Variants in CCDC171 observed in about 807,000 individuals in gnomAD.
The protein encoded by CCDC171 is coiled-coil domain-containing protein 171.
CCDC171 carries 177 observed loss-of-function variants against 168.2 expected under a neutral mutation model. The observed-to-expected ratio is 1.05, with a 90% CI of 0.93 to 1.19. The LOEUF (loss-of-function observed/expected upper bound fraction) is 1.19, where lower values mean the gene tolerates loss of function less well. Ranked by LOEUF, CCDC171 falls within the 50% of genes most tolerant of loss-of-function variation. The pLI, the probability that CCDC171 is intolerant of heterozygous loss-of-function variation, is 0.00. For missense variants in CCDC171, 1,991 were observed against 1,539.0 expected (o/e 1.29, Z -4.91); for synonymous variants, 687 against 540.8 (o/e 1.27, Z -3.75).
At chr9:15,652,077 T>G (rs557615941) in intron 7 of CCDC171, among the ~76,000 whole-genome samples, 1 of 152,212 alleles carries the variant, frequency 6.6e-6, no homozygotes, top group African/African-American at 2.4e-5. Flanking sequence ...CCCGGCTAAT[T>G]TAATTTTTTT....
rs748563364 is a variant in CCDC171, at chr9:15,846,711, G to T, written c.3277G>T (p.Glu1093Ter). ...TLGEAVKSLS[E>*]AKMELRRKDQ... ...TTCTGTCTGCTTGCAGAGTCTCTCC[G>T]AGGCAAAGATGGAGCTGAGAAGAAA... Residue 1093 changes from glutamate to a stop codon, truncating the protein, a stop_gained, in exon 22 of 26, where the codon GAG becomes TAG. Transcript: ENST00000380701. LOFTEE classifies it high-confidence loss of function. 6.2e-7 allele frequency: 1 copy of T among 1,612,798 alleles called. No individual in the cohort carries two copies. The highest frequency in any genetic ancestry group is 8.5e-7 in the Non-Finnish European group (1 of 1,179,314).
At chr9:15,872,870 C>T (rs1817356007) in intron 23 of CCDC171, among the ~76,000 whole-genome samples, 1 of 151,936 alleles carries the variant, frequency 6.6e-6, no homozygotes, top group Non-Finnish European at 1.5e-5. Flanking sequence ...AGAAGGTATT[C>T]ATACATGTAA....
chr9:15,696,747 T>A (rs1430922418), intron 11 of CCDC171, among the ~76,000 whole-genome samples: 6 of 152,208 alleles, frequency 3.9e-5, no homozygotes, highest in Non-Finnish European at 8.8e-5. Context: ...AGTAAAATAG[T>A]TGGTAACAAA....
At chr9:15,881,115 T>G (rs891778152) in intron 24 of CCDC171, among the ~76,000 whole-genome samples, 1 of 152,140 alleles carries the variant, frequency 6.6e-6, no homozygotes, top group Non-Finnish European at 1.5e-5. Context: ...ATTTGGTGCT[T>G]TTTTCGGTTG....
intron 3 of CCDC171, among the ~76,000 whole-genome samples, chr9:16,015,347 G>A (rs923793837): frequency 2.6e-5 from 4 of 152,118 alleles, no homozygotes; most frequent in African/African-American, 9.7e-5. Context: ...TTAGTGCCTT[G>A]CTCTGGATTA....
chr9:15,604,828 G>A (rs986013212), intron 6 of CCDC171, among the ~76,000 whole-genome samples: 4 of 152,156 alleles, frequency 2.6e-5, no homozygotes, highest in Non-Finnish European at 2.9e-5. Context: ...GAATATCCAC[G>A]TAACAGAATA....
At chr9:16,082,093 A>G in the CCDC171 span, among the ~76,000 whole-genome samples, 2 of 152,184 alleles carry the variant, frequency 1.3e-5, no homozygotes, top group Non-Finnish European at 2.9e-5. Context: ...ACATTGGAAA[A>G]GGGAAATATT....
chr9:15,612,164 T>C (rs1006309412), intron 6 of CCDC171, among the ~76,000 whole-genome samples: 2 of 152,228 alleles, frequency 1.3e-5, no homozygotes, highest in African/African-American at 2.4e-5. Context: ...CTGCCTAGTT[T>C]ATGGTATATC....
rs2051134755 is a variant in CCDC171 at position 15,695,343 on chromosome 9, T to A, written c.1318+6T>A. 6.2e-7 allele frequency: 1 copy of A among 1,608,344 alleles called. No individual in the cohort carries two copies. The highest frequency in any genetic ancestry group is 2.2e-5 in the East Asian group (1 of 44,854). On this transcript the variant is annotated splice_donor_region_variant and intron_variant, in intron 11 of 25. Coordinates refer to ENST00000380701, the MANE Select transcript of CCDC171 (RefSeq NM_173550.4). ...GTCGGGCCAGTGGACATCAGGTTAG[T>A]TGAAGGTATAAAATGACAGATGCAT... is the stretch of plus-strand genomic sequence containing the variant.
chr9:15,556,863 T>C (rs974316444), intron 1 of CCDC171, among the ~76,000 whole-genome samples: 2 of 152,206 alleles, frequency 1.3e-5, no homozygotes, highest in Non-Finnish European at 2.9e-5. Flanking sequence ...CTAGGGTTTT[T>C]ATGGTTTTAG....
intron 3 of CCDC171, among the ~76,000 whole-genome samples, chr9:16,012,222 C>G (rs942247901): frequency 1.3e-5 from 2 of 152,112 alleles, no homozygotes; most frequent in Admixed American, 6.6e-5. Flanking sequence ...CTCCCATGGC[C>G]ACAGCATCCA....
At chr9:15,912,344 CTGTT>C (rs1211691780) in intron 24 of CCDC171, among the ~76,000 whole-genome samples, 1 of 152,110 alleles carries the variant, frequency 6.6e-6, no homozygotes, top group African/African-American at 2.4e-5. Context: ...ATTTGGCTCT[CTGTT>C]TGTCTATTAT....
intron 24 of CCDC171, among the ~76,000 whole-genome samples, chr9:15,907,971 T>G (rs375137248): frequency 5.9e-5 from 9 of 151,830 alleles, no homozygotes; most frequent in African/African-American, 1.5e-4. Context: ...TCTCACACCA[T>G]TTAGAATGGC....
At chr9:15,810,894 C>G (rs1050791793) in intron 21 of CCDC171, among the ~76,000 whole-genome samples, 5 of 152,242 alleles carry the variant, frequency 3.3e-5, no homozygotes, top group African/African-American at 9.6e-5. Flanking sequence ...ATGGCCAGAG[C>G]AGACGCTGAG....
At chr9:15,557,235 G>C (rs2038884853) in intron 1 of CCDC171, among the ~76,000 whole-genome samples, 1 of 152,040 alleles carries the variant, frequency 6.6e-6, no homozygotes. Flanking sequence ...CTCTTTTTTG[G>C]TTCCATATGA....
intron 24 of CCDC171, chr9:15,885,601 T>A (rs1292302861): frequency 6.6e-6 from 1 of 152,210 alleles, no homozygotes; most frequent in East Asian, 1.9e-4. Context: ...GAGTTTATTA[T>A]GGCTTAGTGA....
intron 21 of CCDC171, among the ~76,000 whole-genome samples, chr9:15,839,389 C>G (rs1487518846): frequency 6.6e-6 from 1 of 152,086 alleles, no homozygotes; most frequent in Non-Finnish European, 1.5e-5. Flanking sequence ...GACGTTGTTA[C>G]TAATACTACT....
chr9:16,043,323 G>A (rs187781935), intron 1 of CCDC171, among the ~76,000 whole-genome samples: 5 of 152,070 alleles, frequency 3.3e-5, no homozygotes, highest in Admixed American at 3.3e-4. Flanking sequence ...TTATATCTTG[G>A]ATGACTGTTG....
the CCDC171 span, among the ~76,000 whole-genome samples, chr9:16,096,388 G>C: frequency 1.3e-5 from 2 of 152,206 alleles, no homozygotes; most frequent in African/African-American, 2.4e-5. Context: ...CAGCTGTTTA[G>C]ATGGGTGGTG....
Sources: gnomAD v4.1 joint callset for allele counts (sites outside exome capture counted in the v4.1 genomes callset) on GRCh38, gnomAD v4.1.1 for gene constraint, MANE v1.5 for transcripts, NCBI Gene and HGNC (gene_info 2026-07-23, HGNC 2026-07-21) for gene names.